Variants in TAFA5 observed in about 807,000 individuals in gnomAD.
The protein encoded by TAFA5 is chemokine-like protein TAFA-5.
A neutral mutation model predicts 15.3 loss-of-function variants in TAFA5; 6 were observed. The observed-to-expected ratio is 0.39, with a 90% CI of 0.21 to 0.77. The LOEUF (loss-of-function observed/expected upper bound fraction) is 0.77, where lower values mean the gene tolerates loss of function less well. Ranked by LOEUF, TAFA5 falls within the 30% of genes least tolerant of loss-of-function variation. TAFA5 has a pLI of 0.41. For missense variants in TAFA5, 161 were observed against 193.1 expected (o/e 0.83, Z 0.98); for synonymous variants, 103 against 80.7 (o/e 1.28, Z -1.48).
intron 1 of TAFA5, among the ~76,000 whole-genome samples, chr22:48,541,613 G>C (rs375994987): frequency 6.6e-6 from 1 of 150,650 alleles, no homozygotes; most frequent in Non-Finnish European, 1.5e-5. Flanking sequence ...CCCCTGTGTC[G>C]GTGTTGGGAG....
chr22:48,715,558 G>C (rs6010489), intron 3 of TAFA5, among the ~76,000 whole-genome samples: 24 of 152,356 alleles, frequency 1.6e-4, no homozygotes, highest in African/African-American at 5.3e-4. Context: ...CTCAGCCTTA[G>C]GGACATGTTT....
chr22:48,738,828 G>A (rs996700984), intron 3 of TAFA5, among the ~76,000 whole-genome samples: 3 of 152,256 alleles, frequency 2.0e-5, no homozygotes, highest in African/African-American at 4.8e-5. Flanking sequence ...ATCGGCCGTC[G>A]CAGGCAGCCC....
At chr22:48,562,399 A>C (rs896695890) in intron 1 of TAFA5, among the ~76,000 whole-genome samples, 1 of 152,086 alleles carries the variant, frequency 6.6e-6, no homozygotes, top group African/African-American at 2.4e-5. Flanking sequence ...CGGCCTCCCA[A>C]AGTGCTGGGA....
intron 1 of TAFA5, among the ~76,000 whole-genome samples, chr22:48,497,202 C>A (rs1453400530): frequency 2.0e-5 from 3 of 152,380 alleles, no homozygotes; most frequent in East Asian, 3.9e-4. Context: ...TGCGGTGTTC[C>A]AGGCCGCGCC....
chr22:48,655,879 A>G (rs1927225784), intron 2 of TAFA5, among the ~76,000 whole-genome samples: 2 of 114,038 alleles, frequency 1.8e-5, no homozygotes, highest in African/African-American at 7.2e-5. Flanking sequence ...TCGCTCTGTT[A>G]CCCAGGCTGG....
intron 1 of TAFA5, among the ~76,000 whole-genome samples, chr22:48,632,626 C>T (rs1926273424): frequency 6.6e-6 from 1 of 152,180 alleles, no homozygotes; most frequent in Non-Finnish European, 1.5e-5. Context: ...GAAGGGTCCC[C>T]TTGGCTGGGG....
intron 3 of TAFA5, among the ~76,000 whole-genome samples, chr22:48,731,772 G>T (rs1348791737): frequency 6.6e-6 from 1 of 152,210 alleles, no homozygotes. Flanking sequence ...ATCTCGGATG[G>T]AGATGTTCCA....
At chr22:48,646,808 C>T (rs1926882918) in intron 2 of TAFA5, 62 bp downstream of exon 2, 16 of 1,509,264 alleles carry the variant, frequency 1.1e-5, no homozygotes, top group Admixed American at 4.0e-5. Flanking sequence ...AAAGGTGCCT[C>T]TTCCCTGACG....
Position 48,748,085 on chromosome 22 carries a change from GCTCCACAGGCTCAGGACCACGCC to G in TAFA5, c.391-1749_391-1727del, listed in dbSNP as rs1354042618. ...AACCTCTTATGTAAGCTGAACACGC[GCTCCACAGGCTCAGGACCACGCC>G]CTCCGGTCACTCCTGATGGAAAGGC... On this transcript the variant is annotated intron_variant, in intron 3 of 3. Transcript: ENST00000402357. 7.9e-5 allele frequency among the ~76,000 whole-genome samples: 12 copies of G among 152,260 alleles called. No homozygotes were observed. In the South Asian group the frequency reaches 2.3e-3, roughly 29 times the overall value.
intron 1 of TAFA5, among the ~76,000 whole-genome samples, chr22:48,527,789 C>T (rs1047147074): frequency 2.0e-5 from 3 of 152,158 alleles, no homozygotes; most frequent in African/African-American, 7.2e-5. Context: ...GCTGTGGGTC[C>T]GGCGATGGTG....
chr22:48,644,946 G>A (rs1926811865), intron 1 of TAFA5, among the ~76,000 whole-genome samples: 1 of 152,236 alleles, frequency 6.6e-6, no homozygotes, highest in South Asian at 2.1e-4. Flanking sequence ...CAGGCTGGGA[G>A]CCCTGAGTCC....
At chr22:48,596,887 C>T (rs1461582740) in intron 1 of TAFA5, among the ~76,000 whole-genome samples, 2 of 152,194 alleles carry the variant, frequency 1.3e-5, no homozygotes, top group Non-Finnish European at 2.9e-5. Flanking sequence ...CAGCTCACTG[C>T]AGCCTTCACC....
At position 48,552,471 on chromosome 22, in the gene TAFA5, T is replaced by C. The variant is rs1922889664; in HGVS notation, c.112+62767T>C. Among the ~76,000 whole-genome samples the C allele has an allele frequency of 1.3e-5, 2 of 152,052 alleles. No homozygotes were observed. Among genetic ancestry groups the C allele is most frequent in the Admixed American group, 1.3e-4 (2 of 15,272 alleles). ...TGGGAAGCCCTTATGAGCGTGTACA[T>C]CCTCTCTCGGGGTCCTGCAGGCCAC... On this transcript the variant is annotated intron_variant, in intron 1 of 3. Coordinates refer to ENST00000402357, the MANE Select transcript of TAFA5 (RefSeq NM_001082967.3). The surrounding 1 kb of genome is among the most constrained non-coding windows in gnomAD (Gnocchi z 4.1).
chr22:48,586,217 G>A (rs554511882), intron 1 of TAFA5, among the ~76,000 whole-genome samples: 7 of 152,254 alleles, frequency 4.6e-5, no homozygotes, highest in South Asian at 2.1e-4. Context: ...GACAGGTGCA[G>A]CCACGTGGCT....
chr22:48,646,541 G>T, intron 1 of TAFA5, 56 bp from the exon 2 acceptor site: 4 of 1,587,910 alleles, frequency 2.5e-6, no homozygotes, highest in African/African-American at 2.7e-5. Context: ...GGTGGGCTCT[G>T]GCTGTGGGGT....
chr22:48,578,522 T>A (rs1381930807), intron 1 of TAFA5, among the ~76,000 whole-genome samples: 1 of 152,164 alleles, frequency 6.6e-6, no homozygotes, highest in East Asian at 1.9e-4. Flanking sequence ...GATCTCCATG[T>A]TTACCTTGAA....
rs79299467 is a variant in TAFA5, at chr22:48,733,269, A to C, written c.391-16570A>C. Among the ~76,000 whole-genome samples the C allele has an allele frequency of 2.4e-3, 373 of 152,348 alleles. 1 individual carries two copies. Among genetic ancestry groups the C allele is most frequent in the African/African-American group, 8.8e-3 (365 of 41,582 alleles). On this transcript the variant is annotated intron_variant, in intron 3 of 3. Coordinates refer to ENST00000402357, the MANE Select transcript of TAFA5 (RefSeq NM_001082967.3). ...CAAAACAAATCAAATGAGCAAAAGC[A>C]CCAAAGCCACAGACCTCCAGTCAGC... is the stretch of plus-strand genomic sequence containing the variant.
At chr22:48,562,974 G>A (rs1038121356) in intron 1 of TAFA5, among the ~76,000 whole-genome samples, 9 of 152,224 alleles carry the variant, frequency 5.9e-5, no homozygotes, top group South Asian at 4.1e-4. Flanking sequence ...AGGCCCTGGC[G>A]GAGCTGCAGG....
At chr22:48,581,789 A>G (rs956811555) in intron 1 of TAFA5, among the ~76,000 whole-genome samples, 13 of 152,204 alleles carry the variant, frequency 8.5e-5, no homozygotes, top group Admixed American at 7.2e-4. Flanking sequence ...AGGATCATGC[A>G]TTATAAACCT....
Sources: allele counts gnomAD v4.1 joint callset (sites outside exome capture counted in the v4.1 genomes callset), GRCh38; gene constraint gnomAD v4.1.1; non-coding constraint Gnocchi (gnomAD v3.1); transcripts MANE v1.5; gene names NCBI Gene and HGNC (gene_info 2026-07-23, HGNC 2026-07-21).